The following CELF2 variants were observed in gnomAD, a reference collection of about 807,000 sequenced individuals.
The protein encoded by CELF2 is CUG triplet repeat RNA-binding protein 2.
A neutral mutation model predicts 62.6 loss-of-function variants in CELF2; 8 were observed. The observed-to-expected ratio is 0.13, with a 90% CI of 0.07 to 0.23. The LOEUF (loss-of-function observed/expected upper bound fraction) is 0.23, where lower values mean the gene tolerates loss of function less well. Among genes scored for constraint, CELF2 ranks in the 10% least tolerant of loss-of-function variants. The pLI is 1.00. For synonymous variants in CELF2, 258 were observed against 250.0 expected, an observed-to-expected ratio of 1.03 and a Z score of -0.30; for missense variants, 333 against 671.0, an observed-to-expected ratio of 0.50 and a Z score of 5.56.
At position 11,039,187 on chromosome 10, in the gene CELF2, A is replaced by G. The variant is rs2061426329; in HGVS notation, c.74+21024A>G. Among the ~76,000 whole-genome samples, 1 of 152,242 alleles carries G rather than the reference A, an allele frequency of 6.6e-6. No homozygotes were observed. The highest frequency in any genetic ancestry group is 1.5e-5 in the Non-Finnish European group (1 of 68,044). ...TGAGAGCAGAAACCGTGATGCAGTG[A>G]GCCTTCTGCCCACAACACTTCGTGC... is the stretch of plus-strand genomic sequence containing the variant. On this transcript the variant is annotated intron_variant, in intron 1 of 12. Transcript: ENST00000633077. This position sits in a 1 kb window ranked among gnomAD's most constrained non-coding sequence, Gnocchi z 4.1.
At chr10:10,806,684 A>G (rs1027837784) in intron 1 of CELF2, among the ~76,000 whole-genome samples, 11 of 152,228 alleles carry the variant, frequency 7.2e-5, no homozygotes, top group African/African-American at 2.4e-4. Flanking sequence ...GAGTCACAAT[A>G]AGGATCTTGG....
intron 1 of CELF2, among the ~76,000 whole-genome samples, chr10:11,050,122 C>T (rs868551466): frequency 6.6e-6 from 1 of 152,186 alleles, no homozygotes; most frequent in Non-Finnish European, 1.5e-5. Flanking sequence ...GGTTTCCTGA[C>T]AAACTGGCCT....
intron 3 of CELF2, among the ~76,000 whole-genome samples, chr10:11,229,956 A>G (rs1261604491): frequency 1.3e-5 from 2 of 152,148 alleles, no homozygotes; most frequent in Non-Finnish European, 2.9e-5. Context: ...TGTTAAGAGA[A>G]TGAACCAATG....
intron 2 of CELF2, among the ~76,000 whole-genome samples, chr10:11,190,153 TCTC>T (rs1238469539): frequency 6.6e-6 from 1 of 152,200 alleles, no homozygotes; most frequent in Non-Finnish European, 1.5e-5. Context: ...ACATGTCTTA[TCTC>T]CTCCAACCAC....
At chr10:11,253,909 T>G (rs1001017520) in intron 4 of CELF2, among the ~76,000 whole-genome samples, 1 of 152,222 alleles carries the variant, frequency 6.6e-6, no homozygotes, top group African/African-American at 2.4e-5. Context: ...CTTCAAGTGT[T>G]TTTTTGTTTT....
At chr10:10,887,069 T>C (rs1038525067) in intron 1 of CELF2, among the ~76,000 whole-genome samples, 3 of 152,210 alleles carry the variant, frequency 2.0e-5, no homozygotes, top group Admixed American at 2.0e-4. Flanking sequence ...TGTCGCCAGG[T>C]CTAAAATAAC....
intron 9 of CELF2, among the ~76,000 whole-genome samples, chr10:11,291,855 A>T (rs1184924664): frequency 6.6e-6 from 1 of 152,204 alleles, no homozygotes; most frequent in African/African-American, 2.4e-5. Flanking sequence ...TTTGTCTGGT[A>T]ATTTTGAGCG....
At chr10:11,131,633 G>C (rs1435753187) in intron 1 of CELF2, among the ~76,000 whole-genome samples, 1 of 151,654 alleles carries the variant, frequency 6.6e-6, no homozygotes, top group Non-Finnish European at 1.5e-5. Context: ...GATCCATGGA[G>C]GAAGGTGACA....
chr10:10,542,817 T>A, the CELF2 span, among the ~76,000 whole-genome samples: 1 of 152,204 alleles, frequency 6.6e-6, no homozygotes, highest in East Asian at 1.9e-4. Flanking sequence ...GTAGTCTGAC[T>A]TCCTCCCAGT....
the CELF2 span, among the ~76,000 whole-genome samples, chr10:10,670,842 G>A: frequency 6.6e-6 from 1 of 151,504 alleles, no homozygotes; most frequent in Admixed American, 6.6e-5. Context: ...ATCACAGTCT[G>A]TAGCCTTTTC....
chr10:10,535,643 C>A, the CELF2 span, among the ~76,000 whole-genome samples: 1 of 152,144 alleles, frequency 6.6e-6, no homozygotes, highest in Non-Finnish European at 1.5e-5. Flanking sequence ...CGCTTGAACC[C>A]TGGAGGCGGA....
the CELF2 span, among the ~76,000 whole-genome samples, chr10:10,510,053 G>C: frequency 6.6e-6 from 1 of 152,212 alleles, no homozygotes; most frequent in Non-Finnish European, 1.5e-5. Context: ...GTTCTTGCCT[G>C]TGCGTTGCAT....
rs1277349663 is a variant in CELF2, at chr10:11,247,279, A to G, written c.355-1874A>G. Among the ~76,000 whole-genome samples, 2 of 152,158 alleles carry G rather than the reference A, an allele frequency of 1.3e-5. No homozygotes were observed. The highest frequency in any genetic ancestry group is 2.9e-5 in the Non-Finnish European group (2 of 67,982). On this transcript the variant is annotated intron_variant, in intron 3 of 12. Transcript: ENST00000633077. The surrounding 1 kb of genome is among the most constrained non-coding windows in gnomAD (Gnocchi z 5.4). The stretch of plus-strand genomic sequence containing the variant: ...TGAGAGCTGGGTGTTGCCCACCTTC[A>G]CCGCCCCTTCCCGTGGTCCTCCATG...
chr10:10,578,545 C>T, the CELF2 span, among the ~76,000 whole-genome samples: 1 of 151,934 alleles, frequency 6.6e-6, no homozygotes, highest in Non-Finnish European at 1.5e-5. Context: ...TGTATATCAG[C>T]TTTCATGAGG....
At chr10:10,870,762 G>T (rs1330553681) in intron 1 of CELF2, among the ~76,000 whole-genome samples, 1 of 152,202 alleles carries the variant, frequency 6.6e-6, no homozygotes, top group Non-Finnish European at 1.5e-5. Flanking sequence ...TCTGCGGTCA[G>T]GCATGAGTGC....
rs2093243673 is a variant in CELF2 at position 11,296,874 on chromosome 10, G to A, written c.976+8322G>A. 6.6e-6 allele frequency among the ~76,000 whole-genome samples: 1 copy of A among 152,196 alleles called. No homozygotes were observed. The highest frequency in any genetic ancestry group is 2.1e-4 in the South Asian group (1 of 4,832). ...CAGAATGGAAGATACATCAAATGTG[G>A]GAAAATGCAGAAATAGCATTTAATC... On this transcript the variant is annotated intron_variant, in intron 9 of 12. Transcript: ENST00000633077. This position sits in a 1 kb window ranked among gnomAD's most constrained non-coding sequence, Gnocchi z 5.0.
chr10:11,014,174 G>T (rs1303927081), upstream of CELF2, among the ~76,000 whole-genome samples: 2 of 152,216 alleles, frequency 1.3e-5, no homozygotes, highest in Non-Finnish European at 2.9e-5. Flanking sequence ...ATAGGGGAAA[G>T]ATGTTTTGCA....
the CELF2 span, among the ~76,000 whole-genome samples, chr10:10,787,671 G>A: frequency 4.6e-5 from 7 of 152,170 alleles, no homozygotes; most frequent in South Asian, 8.3e-4. Flanking sequence ...TTGTCCCTAC[G>A]TAAAGTCAGG....
the CELF2 span, among the ~76,000 whole-genome samples, chr10:10,591,188 A>G: frequency 7.6e-4 from 115 of 152,314 alleles, no homozygotes; most frequent in East Asian, 0.014. Context: ...TAATTCATTA[A>G]AAGGAAAGAG....
Sources: gnomAD v4.1 joint callset for allele counts (sites outside exome capture counted in the v4.1 genomes callset) on GRCh38, gnomAD v4.1.1 for gene constraint, Gnocchi (gnomAD v3.1) non-coding constraint, MANE v1.5 for transcripts, NCBI Gene and HGNC (gene_info 2026-07-23, HGNC 2026-07-21) for gene names.